SEM1: variants seen among roughly 807,000 people sequenced by gnomAD.
SEM1 encodes 26S proteasome complex subunit SEM1.
SEM1 carries 3 observed loss-of-function variants against 12.7 expected under a neutral mutation model. The observed-to-expected ratio is 0.24, with a 90% CI of 0.11 to 0.61. The LOEUF is 0.61. Among genes scored for constraint, SEM1 ranks in the 20% least tolerant of loss-of-function variants. The probability of loss-of-function intolerance (pLI) is 0.88; values close to 1 mark genes in which losing one functional copy is unlikely to be tolerated. For missense variants in SEM1, 59 were observed against 81.3 expected, an observed-to-expected ratio of 0.73 and a Z score of 1.06; for synonymous variants, 30 against 27.8, an observed-to-expected ratio of 1.08 and a Z score of -0.25.
downstream of SEM1, among the ~76,000 whole-genome samples, chr7:96,617,666 G>T (rs1807762236): frequency 6.6e-6 from 1 of 152,068 alleles, no homozygotes; most frequent in African/African-American, 2.4e-5. Flanking sequence ...ATGATGTTGG[G>T]TATGGGTTTG....
chr7:96,600,054 G>A (rs1238249193), intron 2 of SEM1, among the ~76,000 whole-genome samples: 2 of 152,188 alleles, frequency 1.3e-5, no homozygotes, highest in Non-Finnish European at 2.9e-5. Flanking sequence ...GGGTGGGACA[G>A]AGAGTGCTTT....
At chr7:96,709,458 TC>T (rs1231935458) in intron 1 of SEM1, among the ~76,000 whole-genome samples, 1 of 152,116 alleles carries the variant, frequency 6.6e-6, no homozygotes, top group African/African-American at 2.4e-5. Context: ...CGGTGGCTCC[TC>T]CCAGTGAGGA....
intron 2 of SEM1, among the ~76,000 whole-genome samples, chr7:96,627,386 T>C (rs1308167175): frequency 2.0e-5 from 3 of 152,088 alleles, no homozygotes; most frequent in Admixed American, 1.3e-4. Context: ...TTCTTCTTCT[T>C]TGATGCCAGC....
chr7:96,520,278 A>T (rs1171792786), intron 2 of SEM1, among the ~76,000 whole-genome samples: 1 of 152,050 alleles, frequency 6.6e-6, no homozygotes, highest in Non-Finnish European at 1.5e-5. Flanking sequence ...TCTGCCACAT[A>T]TTTCTGTGAT....
At chr7:96,496,627 C>G (rs1803276082), upstream of SEM1, among the ~76,000 whole-genome samples, 1 of 152,046 alleles carries the variant, frequency 6.6e-6, no homozygotes, top group South Asian at 2.1e-4. Context: ...TCTCCAGGAA[C>G]AATAAATGTC....
exon 3 of SEM1, chr7:96,622,597 G>A (rs1807930216): frequency 1.3e-6 from 1 of 764,618 alleles, no homozygotes; most frequent in Non-Finnish European, 2.4e-6. Context: ...TGACTCCTGA[G>A]TATTGGCAAT....
At chr7:96,706,257 T>G (rs534682713) in intron 1 of SEM1, 1 of 152,100 alleles carries the variant, frequency 6.6e-6, no homozygotes, top group African/African-American at 2.4e-5. Flanking sequence ...GCACTTTACA[T>G]TGAAGGGCTA....
At chr7:96,555,091 CTTCT>C (rs1482155131) in intron 2 of SEM1, among the ~76,000 whole-genome samples, 1 of 150,924 alleles carries the variant, frequency 6.6e-6, no homozygotes, top group Non-Finnish European at 1.5e-5. Flanking sequence ...TCTCTCTTTT[CTTCT>C]TTATTAGTCT....
intron 2 of SEM1, among the ~76,000 whole-genome samples, chr7:96,603,454 A>G (rs1281074510): frequency 6.6e-6 from 1 of 152,154 alleles, no homozygotes; most frequent in Non-Finnish European, 1.5e-5. Flanking sequence ...CCTCTTGTTT[A>G]ACACATGACC....
chr7:96,631,429 T>G (rs1171121618), intron 2 of SEM1, among the ~76,000 whole-genome samples: 2 of 152,122 alleles, frequency 1.3e-5, no homozygotes, highest in Non-Finnish European at 2.9e-5. Context: ...TCATAATTAC[T>G]GCACTCTCTC....
intron 2 of SEM1, among the ~76,000 whole-genome samples, chr7:96,667,150 T>A (rs1789191686): frequency 6.6e-6 from 1 of 152,174 alleles, no homozygotes; most frequent in African/African-American, 2.4e-5. Context: ...TTCCAATCGT[T>A]GCATAAACAT....
At chr7:96,657,872 AG>A (rs1360519034) in intron 2 of SEM1, among the ~76,000 whole-genome samples, 2 of 152,142 alleles carry the variant, frequency 1.3e-5, no homozygotes, top group African/African-American at 4.8e-5. Flanking sequence ...GTACTCTGAA[AG>A]GCGCCTGGTG....
intron 2 of SEM1, among the ~76,000 whole-genome samples, chr7:96,593,006 A>T (rs200596464): frequency 0.12 from 18,151 of 150,242 alleles, 1,199 homozygotes; most frequent in Non-Finnish European, 0.13. Flanking sequence ...TATTAAAAAA[A>T]AAAAAAAAAA....
intron 2 of SEM1, among the ~76,000 whole-genome samples, chr7:96,538,804 G>A (rs1804865302): frequency 6.6e-6 from 1 of 151,704 alleles, no homozygotes; most frequent in Non-Finnish European, 1.5e-5. Flanking sequence ...TGGGAGAAAT[G>A]CCCTTTCCTC....
intron 2 of SEM1, among the ~76,000 whole-genome samples, chr7:96,570,843 C>T (rs1805999745): frequency 6.6e-6 from 1 of 152,198 alleles, no homozygotes; most frequent in African/African-American, 2.4e-5. Context: ...TCCCATTTCT[C>T]CACATCCTCT....
chr7:96,592,967 C>G (rs1309634606), intron 2 of SEM1, among the ~76,000 whole-genome samples: 1 of 146,762 alleles, frequency 6.8e-6, no homozygotes, highest in East Asian at 2.0e-4. Flanking sequence ...AGAGAAGGCT[C>G]TTCCCTCCTC....
chr7:96,502,186 G>A (rs1296495159), intron 3 of SEM1, among the ~76,000 whole-genome samples: 1 of 152,078 alleles, frequency 6.6e-6, no homozygotes, highest in Non-Finnish European at 1.5e-5. Flanking sequence ...ATTATCTCCA[G>A]TTTAAAGTAA....
chr7:96,575,715 G>A (rs972068189), intron 2 of SEM1, among the ~76,000 whole-genome samples: 2 of 152,144 alleles, frequency 1.3e-5, no homozygotes, highest in Non-Finnish European at 2.9e-5. Flanking sequence ...GCTTTGTGGC[G>A]CTGCGGTGGG....
At chr7:96,709,602 CA>C in intron 1 of SEM1, 85 bp downstream of exon 1, 1 of 1,312,026 alleles carries the variant, frequency 7.6e-7, no homozygotes, top group South Asian at 1.2e-5. Context: ...CCGGTGCCCC[CA>C]GCTGGGCCCG....
Sources: allele counts gnomAD v4.1 joint callset (sites outside exome capture counted in the v4.1 genomes callset), GRCh38; gene constraint gnomAD v4.1.1; transcripts MANE v1.5; gene names NCBI Gene and HGNC (gene_info 2026-07-23, HGNC 2026-07-21).